Variants in DNM3 observed in about 807,000 individuals in gnomAD.
DNM3 encodes the protein dynamin 3.
In DNM3, 47 loss-of-function variants were observed where a neutral mutation model predicts 101.6. That is an observed-to-expected ratio of 0.46 (90% CI 0.37 to 0.59). DNM3 has a LOEUF of 0.59. Among genes scored for constraint, DNM3 ranks in the 20% least tolerant of loss-of-function variants. The pLI is 0.00. For synonymous variants in DNM3, 385 were observed against 387.9 expected, an observed-to-expected ratio of 0.99 and a Z score of 0.09; for missense variants, 849 against 1,085.7, an observed-to-expected ratio of 0.78 and a Z score of 3.06.
intron 20 of DNM3, among the ~76,000 whole-genome samples, chr1:172,395,952 A>T (rs2069951770): frequency 6.6e-6 from 1 of 152,182 alleles, no homozygotes; most frequent in Admixed American, 6.5e-5. Flanking sequence ...AAGTATTTAC[A>T]TCAAGTTTAG....
At chr1:172,334,122 G>A (rs769589160) in intron 17 of DNM3, among the ~76,000 whole-genome samples, 6 of 152,022 alleles carry the variant, frequency 3.9e-5, no homozygotes, top group African/African-American at 1.4e-4. Context: ...TTAAGAAACC[G>A]AAAAAATACA....
intron 14 of DNM3, among the ~76,000 whole-genome samples, chr1:172,235,482 A>C (rs990739468): frequency 5.3e-5 from 8 of 152,304 alleles, no homozygotes; most frequent in African/African-American, 1.4e-4. Flanking sequence ...TTGACCCAGC[A>C]ATCCCATTAC....
rs142879789 is a variant in DNM3 at position 172,133,295 on chromosome 1, C to T, written c.1659+2007C>T. The stretch of plus-strand genomic sequence containing the variant: ...ATTGGCTCATCTCCTCTCCTCCAGA[C>T]TCAGGATAATTCTTTACAAAATCAC... On this transcript the variant is annotated intron_variant, in intron 14 of 20. Transcript: ENST00000627582. The T allele has an allele frequency of 7.3e-5, 75 of 1,033,780 alleles. No homozygotes were observed. In the East Asian group the frequency reaches 4.6e-3, roughly 63 times the overall value. 64.0% of individuals were successfully genotyped at this position (1,033,780 alleles called of 1,614,324 possible).
At chr1:172,234,643 G>A (rs1380790487) in intron 14 of DNM3, among the ~76,000 whole-genome samples, 3 of 152,046 alleles carry the variant, frequency 2.0e-5, no homozygotes, top group African/African-American at 7.2e-5. Context: ...ATATTACAAG[G>A]CTACAGTAAC....
At chr1:172,119,810 T>C (rs1244865031) in intron 13 of DNM3, among the ~76,000 whole-genome samples, 2 of 152,196 alleles carry the variant, frequency 1.3e-5, no homozygotes, top group East Asian at 3.8e-4. Context: ...ACAGTCTGTT[T>C]AGTTTCTTAA....
At chr1:172,164,227 C>CTTTTTTTTTTTTTTTTTTTTTTTTTT (rs1165249284) in intron 14 of DNM3, among the ~76,000 whole-genome samples, 1 of 102,524 alleles carries the variant, frequency 9.8e-6, no homozygotes, top group African/African-American at 4.7e-5. Context: ...ATTTTCTTTT[C>CTTTTTTTTTTTTTTTTTTTTTTTTTT]TTTTCTTTTT....
rs1315528639 is a variant in DNM3 at position 172,003,156 on chromosome 1, A to G, written c.589+14008A>G. Among the ~76,000 whole-genome samples the G allele has an allele frequency of 2.0e-5, 3 of 152,018 alleles. No individual in the cohort carries two copies. The Admixed American group carries it at 2.0e-4, about 10-fold the overall frequency. ...TCAGAAATTCTCTTTATATTAATAT[A>G]TGGATGTTGCATTGCTATTCAAGGT... On this transcript the variant is annotated intron_variant, in intron 4 of 20. Coordinates refer to ENST00000627582, the MANE Select transcript of DNM3 (RefSeq NM_015569.5).
At chr1:172,368,777 C>T (rs1340569631) in intron 17 of DNM3, among the ~76,000 whole-genome samples, 1 of 151,652 alleles carries the variant, frequency 6.6e-6, no homozygotes, top group Non-Finnish European at 1.5e-5. Flanking sequence ...TGAAACATTA[C>T]AACTGATACC....
chr1:172,098,092 C>G (rs2054372219), intron 13 of DNM3, among the ~76,000 whole-genome samples: 1 of 152,070 alleles, frequency 6.6e-6, no homozygotes, highest in Non-Finnish European at 1.5e-5. Context: ...TCATTGATAA[C>G]ATCAGGAGAC....
intron 15 of DNM3, among the ~76,000 whole-genome samples, chr1:172,282,013 G>A (rs2063509251): frequency 6.6e-6 from 1 of 152,152 alleles, no homozygotes; most frequent in South Asian, 2.1e-4. Flanking sequence ...CATTGGCATT[G>A]AAAGAGACCA....
At chr1:172,214,963 T>G (rs941670650) in intron 14 of DNM3, among the ~76,000 whole-genome samples, 7 of 152,140 alleles carry the variant, frequency 4.6e-5, no homozygotes, top group South Asian at 4.1e-4. Flanking sequence ...CTAGTAAATA[T>G]TCACATATGT....
chr1:171,891,924 C>G (rs1407808826), intron 1 of DNM3, among the ~76,000 whole-genome samples: 1 of 152,094 alleles, frequency 6.6e-6, no homozygotes. Context: ...GAGTTATGCT[C>G]CATCTCCAGA....
At chr1:172,292,535 A>G (rs565719018) in intron 15 of DNM3, among the ~76,000 whole-genome samples, 2 of 152,252 alleles carry the variant, frequency 1.3e-5, no homozygotes, top group East Asian at 3.9e-4. Flanking sequence ...CATTAATTAG[A>G]AACCTATTCA....
intron 12 of DNM3, among the ~76,000 whole-genome samples, chr1:172,088,275 T>C (rs1398500414): frequency 6.6e-6 from 1 of 151,618 alleles, no homozygotes; most frequent in Admixed American, 6.6e-5. Context: ...TAACTGGAGG[T>C]TTCTAAAAAG....
chr1:172,041,438 C>T (rs2125835154), intron 7 of DNM3, among the ~76,000 whole-genome samples: 1 of 152,242 alleles, frequency 6.6e-6, no homozygotes, highest in South Asian at 2.1e-4. Context: ...GAGTTCAAGG[C>T]AGCTAAGAGG....
At chr1:171,888,569 T>C (rs1210963501) in intron 1 of DNM3, among the ~76,000 whole-genome samples, 1 of 152,188 alleles carries the variant, frequency 6.6e-6, no homozygotes, top group Admixed American at 6.5e-5. Flanking sequence ...GGGATGATAA[T>C]ACCTGTTTTT....
intron 14 of DNM3, among the ~76,000 whole-genome samples, chr1:172,183,767 ATTTTTTTTT>A (rs376245976): frequency 0.17 from 10,774 of 63,112 alleles, 670 homozygotes; most frequent in African/African-American, 0.33. Context: ...TGCCCAGCTA[ATTTTTTTTT>A]TTTTTTTTTT....
intron 1 of DNM3, among the ~76,000 whole-genome samples, chr1:171,861,558 C>T (rs545399832): frequency 1.3e-5 from 2 of 152,048 alleles, no homozygotes; most frequent in South Asian, 4.1e-4. Flanking sequence ...ACATTGGGGC[C>T]CCTACCTCAC....
intron 13 of DNM3, among the ~76,000 whole-genome samples, chr1:172,103,749 T>G (rs2054816601): frequency 6.6e-6 from 1 of 152,226 alleles, no homozygotes. Flanking sequence ...ACGCCTGTAA[T>G]CCCAGCACTT....
Sources: allele counts gnomAD v4.1 joint callset (sites outside exome capture counted in the v4.1 genomes callset), GRCh38; gene constraint gnomAD v4.1.1; transcripts MANE v1.5; gene names NCBI Gene and HGNC (gene_info 2026-07-23, HGNC 2026-07-21).